Variants in ATOX1 observed in about 807,000 individuals in gnomAD.
ATOX1 encodes the protein antioxidant 1 copper chaperone.
A neutral mutation model predicts 7.3 loss-of-function variants in ATOX1; 4 were observed. That is an observed-to-expected ratio of 0.55 (90% CI 0.27 to 1.25). The LOEUF (loss-of-function observed/expected upper bound fraction) is 1.25. ATOX1 is among the 50% of genes most tolerant of loss of function. The pLI, the probability that ATOX1 is intolerant of heterozygous loss-of-function variation, is 0.12. For synonymous variants in ATOX1, 25 were observed against 28.7 expected, an observed-to-expected ratio of 0.87 and a Z score of 0.41; for missense variants, 68 against 81.6, an observed-to-expected ratio of 0.83 and a Z score of 0.64.
intron 2 of ATOX1, among the ~76,000 whole-genome samples, chr5:151,749,125 G>A (rs978540588): frequency 2.0e-5 from 3 of 152,066 alleles, no homozygotes; most frequent in African/African-American, 7.2e-5. Context: ...ACGAAATTAG[G>A]CCCATCCCCA....
At chr5:151,753,360 A>G (rs933317425) in intron 1 of ATOX1, among the ~76,000 whole-genome samples, 2 of 152,220 alleles carry the variant, frequency 1.3e-5, no homozygotes, top group African/African-American at 4.8e-5. Flanking sequence ...GTTTTGGGAT[A>G]ATTACTAAGG....
rs376822612 is a variant in ATOX1 at position 151,758,077 on chromosome 5, A to G, written c.6+469T>C. On this transcript the variant is annotated intron_variant, in intron 1 of 3. Transcript: ENST00000313115. ...GGCCAGAGTGGGCAGGGAAATTAAG[A>G]AAAGCATGAACCTCTGAAAACCTGC... Among the ~76,000 whole-genome samples, 17 of 152,346 alleles carry G rather than the reference A, an allele frequency of 1.1e-4. No individual in the cohort carries two copies. In the South Asian group the frequency reaches 3.5e-3, roughly 32 times the overall value.
At chr5:151,750,890 C>T (rs1161710694) in intron 2 of ATOX1, among the ~76,000 whole-genome samples, 6 of 151,972 alleles carry the variant, frequency 3.9e-5, no homozygotes, top group African/African-American at 1.4e-4. Context: ...TGAGCTCAGG[C>T]AATCTGCCCG....
At chr5:151,746,050 A>C in intron 3 of ATOX1, 1 of 346,048 alleles carries the variant, frequency 2.9e-6, no homozygotes, top group Non-Finnish European at 5.5e-6. Context: ...TCTGGGAGAC[A>C]TTACACAGTG....
intron 1 of ATOX1, among the ~76,000 whole-genome samples, chr5:151,756,739 G>T (rs1331895757): frequency 5.3e-5 from 8 of 152,246 alleles, no homozygotes. Context: ...CTCCCAAAGT[G>T]CTGGGATTAC....
chr5:151,746,159 G>A lies in ATOX1; in HGVS notation c.*46+120C>T, dbSNP rs1048150389. 5 of 833,748 alleles carry A rather than the reference G, an allele frequency of 6.0e-6. No homozygotes were observed. The African/African-American group carries it at 6.9e-5, about 12-fold the overall frequency. 51.6% of individuals were successfully genotyped at this position (833,748 alleles called of 1,614,324 possible). On this transcript the variant is annotated intron_variant, in intron 3 of 3. Transcript: ENST00000313115. The stretch of plus-strand genomic sequence containing the variant: ...AACCACTCCAAAGAAGGTGGACAGT[G>A]GATTGAAAAGAACCCAGAGGGCTCT...
chr5:151,757,512 G>T (rs79239044), intron 1 of ATOX1, among the ~76,000 whole-genome samples: 192 of 152,304 alleles, frequency 1.3e-3, no homozygotes, highest in African/African-American at 4.4e-3. Flanking sequence ...CTCTGCCCAG[G>T]AGGCCTCAGG....
At chr5:151,752,967 G>A (rs975499230) in intron 1 of ATOX1, among the ~76,000 whole-genome samples, 36 of 152,224 alleles carry the variant, frequency 2.4e-4, no homozygotes, top group Admixed American at 1.2e-3. Context: ...TATAGAATAT[G>A]GCTTGAAGTG....
At chr5:151,747,786 G>C (rs939939671) in intron 2 of ATOX1, among the ~76,000 whole-genome samples, 1 of 152,012 alleles carries the variant, frequency 6.6e-6, no homozygotes, top group African/African-American at 2.4e-5. Flanking sequence ...ATGGGGTTTC[G>C]CCATGTTGGC....
intron 1 of ATOX1, chr5:151,752,412 C>A: frequency 1.4e-6 from 1 of 700,206 alleles, no homozygotes; most frequent in Non-Finnish European, 2.6e-6. Flanking sequence ...GGAAGGGATC[C>A]CCGGCTCCTA....
intron 1 of ATOX1, among the ~76,000 whole-genome samples, chr5:151,756,123 T>C (rs1485390986): frequency 6.6e-6 from 1 of 151,902 alleles, no homozygotes; most frequent in Admixed American, 6.5e-5. Context: ...TTTGTATATT[T>C]AGTAGAGACG....
At chr5:151,743,343 C>A (rs1008897992) in intron 3 of ATOX1, 1 of 152,184 alleles carries the variant, frequency 6.6e-6, no homozygotes, top group African/African-American at 2.4e-5. Context: ...ATAAATCTGC[C>A]AAGAGTCAGA....
Position 151,758,547 on chromosome 5 carries a change from G to T in ATOX1, c.5C>A (p.Pro2Gln). M[P>Q]KHEFSVDMTC... ...GGCGGGGACGGCGCAACCACTCACC[G>T]GCATGACTGAGGCAGCGGCGGTGTG... Residue 2 changes from proline to glutamine, a missense_variant and splice_region_variant, in exon 1 of 4, where the codon CCG (proline) becomes CAG (glutamine). By Grantham distance (76) the Pro-to-Gln change is moderately conservative. Coordinates refer to ENST00000313115, the MANE Select transcript of ATOX1 (RefSeq NM_004045.4). 1 of 1,448,080 alleles carries T rather than the reference G, an allele frequency of 6.9e-7. No homozygotes were observed. Among genetic ancestry groups the T allele is most frequent in the Non-Finnish European group, 9.1e-7 (1 of 1,095,924 alleles). The allele number at this position is 1,448,080 out of a possible 1,614,324, so 89.7% of individuals were successfully genotyped here.
chr5:151,758,039 G>T (rs1381385609), intron 1 of ATOX1, among the ~76,000 whole-genome samples: 1 of 152,190 alleles, frequency 6.6e-6, no homozygotes, highest in Non-Finnish European at 1.5e-5. Context: ...GCCCAGAGTT[G>T]ATCTGAAAAG....
chr5:151,747,193 G>C (rs774647787), intron 2 of ATOX1, among the ~76,000 whole-genome samples: 8 of 151,766 alleles, frequency 5.3e-5, no homozygotes, highest in Non-Finnish European at 1.2e-4. Context: ...CTTTGTCCTA[G>C]ATAGACAAAT....
intron 2 of ATOX1, among the ~76,000 whole-genome samples, chr5:151,749,902 C>T (rs773005209): frequency 6.6e-6 from 1 of 152,180 alleles, no homozygotes; most frequent in Admixed American, 6.5e-5. Flanking sequence ...ACGGGCAAGT[C>T]ACTTAACCTC....
intron 1 of ATOX1, among the ~76,000 whole-genome samples, chr5:151,754,995 A>G (rs1311175430): frequency 6.6e-6 from 1 of 151,848 alleles, no homozygotes; most frequent in African/African-American, 2.4e-5. Context: ...AAAAAAAAAA[A>G]AAAAAAGAAA....
chr5:151,750,671 G>C (rs1761939021), intron 2 of ATOX1, among the ~76,000 whole-genome samples: 1 of 116,816 alleles, frequency 8.6e-6, no homozygotes, highest in Admixed American at 1.1e-4. Context: ...TTTGGAGACA[G>C]GGTCTTGCTC....
intron 3 of ATOX1, chr5:151,745,389 C>T (rs932987140): frequency 7.2e-5 from 11 of 152,182 alleles, no homozygotes; most frequent in African/African-American, 1.4e-4. Flanking sequence ...TTCTCAGTCA[C>T]GTCAGGGCAC....
Sources: allele counts gnomAD v4.1 joint callset (sites outside exome capture counted in the v4.1 genomes callset), GRCh38; gene constraint gnomAD v4.1.1; transcripts MANE v1.5; gene names NCBI Gene and HGNC (gene_info 2026-07-23, HGNC 2026-07-21).